Variants in TMEM178B observed in about 807,000 individuals in gnomAD.
TMEM178B encodes transmembrane protein 178B.
A neutral mutation model predicts 31.0 loss-of-function variants in TMEM178B; 5 were observed. The observed-to-expected ratio is 0.16, with a 90% confidence interval of 0.08 to 0.34. The LOEUF (loss-of-function observed/expected upper bound fraction) is 0.34. Among genes scored for constraint, TMEM178B ranks in the 10% least tolerant of loss-of-function variants. The pLI is 1.00. For missense variants in TMEM178B, 275 were observed against 400.3 expected (o/e 0.69, Z 2.67); for synonymous variants, 164 against 164.0 (o/e 1.00, Z 0.00).
At chr7:141,394,322 G>T (rs1234435895) in intron 2 of TMEM178B, among the ~76,000 whole-genome samples, 1 of 152,184 alleles carries the variant, frequency 6.6e-6, no homozygotes, top group Non-Finnish European at 1.5e-5. Context: ...GCCTAAAAGG[G>T]TTTGATTCAG....
At chr7:141,431,827 G>A (rs1442476299) in intron 2 of TMEM178B, among the ~76,000 whole-genome samples, 1 of 152,300 alleles carries the variant, frequency 6.6e-6, no homozygotes, top group South Asian at 2.1e-4. Context: ...AAATACTGCT[G>A]TGGGCACAGT....
At chr7:141,088,587 G>A (rs1294327969) in intron 1 of TMEM178B, among the ~76,000 whole-genome samples, 1 of 152,102 alleles carries the variant, frequency 6.6e-6, no homozygotes, top group East Asian at 1.9e-4. Context: ...CTTTCCATCT[G>A]AGCATCTTGC....
chr7:141,093,464 T>C (rs1416413136), intron 1 of TMEM178B, among the ~76,000 whole-genome samples: 1 of 152,140 alleles, frequency 6.6e-6, no homozygotes, highest in Non-Finnish European at 1.5e-5. Flanking sequence ...AGGGGAGATA[T>C]CAAGAGTTAG....
the TMEM178B span, among the ~76,000 whole-genome samples, chr7:141,494,560 T>G: frequency 9.2e-5 from 14 of 152,168 alleles, no homozygotes; most frequent in Non-Finnish European, 1.9e-4. Context: ...ATATTAAAAT[T>G]GTTATGAGGC....
intron 3 of TMEM178B, among the ~76,000 whole-genome samples, chr7:141,460,580 G>T: frequency 6.6e-6 from 1 of 152,328 alleles, no homozygotes; most frequent in South Asian, 2.1e-4. Flanking sequence ...TAGGAATCTG[G>T]ATGTATTCTC....
chr7:141,137,061 A>G (rs1795686542), intron 1 of TMEM178B, among the ~76,000 whole-genome samples: 1 of 152,132 alleles, frequency 6.6e-6, no homozygotes, highest in Admixed American at 6.5e-5. Flanking sequence ...AAAATAACAA[A>G]TGCTGGGTTG....
Position 141,299,470 on chromosome 7 carries a change from C to T in TMEM178B, c.496+86766C>T, listed in dbSNP as rs571347653. Among the ~76,000 whole-genome samples the T allele has an allele frequency of 7.8e-4, 119 of 152,322 alleles. 3 individuals carry two copies. The South Asian group carries it at 0.017, about 22-fold the overall frequency. On this transcript the variant is annotated intron_variant, in intron 2 of 3. Transcript: ENST00000565468. ...ACCCAAAACCCCTCCTCAGGCAGAG[C>T]GGAAGCACCACCTTCCAGATCCATA...
intron 1 of TMEM178B, among the ~76,000 whole-genome samples, chr7:141,202,850 C>T (rs987300291): frequency 6.6e-6 from 1 of 152,138 alleles, no homozygotes; most frequent in East Asian, 1.9e-4. Context: ...AAGGGTGTGC[C>T]TTCTCCACCT....
intron 2 of TMEM178B, among the ~76,000 whole-genome samples, chr7:141,238,477 C>T (rs1018393761): frequency 3.9e-5 from 6 of 152,088 alleles, no homozygotes; most frequent in Non-Finnish European, 7.3e-5. Context: ...AACCTACAAC[C>T]CAGGATTCTC....
Position 141,147,082 on chromosome 7 carries a change from G to T in TMEM178B, c.383-65509G>T, listed in dbSNP as rs541253186. On this transcript the variant is annotated intron_variant, in intron 1 of 3. Coordinates refer to ENST00000565468, the MANE Select transcript of TMEM178B (RefSeq NM_001195278.2). ...AGAGTGGATATCTACATGTGCAGGT[G>T]TCTTATATGGAGGGGTGCTGCTACT... 3.9e-5 allele frequency among the ~76,000 whole-genome samples: 6 copies of T among 152,328 alleles called. No homozygotes were observed. The South Asian group carries it at 6.2e-4, about 16-fold the overall frequency.
At chr7:141,434,123 T>G (rs924113410) in intron 2 of TMEM178B, among the ~76,000 whole-genome samples, 2 of 152,246 alleles carry the variant, frequency 1.3e-5, no homozygotes, top group African/African-American at 4.8e-5. Flanking sequence ...GTAAAACACT[T>G]TGTTCTCATT....
intron 1 of TMEM178B, among the ~76,000 whole-genome samples, chr7:141,196,728 G>A (rs1039843650): frequency 6.6e-6 from 1 of 152,136 alleles, no homozygotes; most frequent in Admixed American, 6.5e-5. Flanking sequence ...CTGCAGCCAT[G>A]TTTCTGCTTT....
chr7:141,358,225 G>C (rs1799855383), intron 2 of TMEM178B, among the ~76,000 whole-genome samples: 1 of 152,152 alleles, frequency 6.6e-6, no homozygotes, highest in African/African-American at 2.4e-5. Flanking sequence ...CAGATACTCA[G>C]TATCTAATTT....
At chr7:141,444,040 G>A (rs986288581) in intron 3 of TMEM178B, among the ~76,000 whole-genome samples, 2 of 152,276 alleles carry the variant, frequency 1.3e-5, no homozygotes, top group African/African-American at 4.8e-5. Context: ...GCTTGTTGGA[G>A]CACTTAGTTT....
chr7:141,120,941 G>T (rs1039721658), intron 1 of TMEM178B, among the ~76,000 whole-genome samples: 44 of 151,444 alleles, frequency 2.9e-4, no homozygotes, highest in African/African-American at 1.1e-3. Flanking sequence ...CTCCAGACTG[G>T]GTGACAGAGC....
intron 2 of TMEM178B, among the ~76,000 whole-genome samples, chr7:141,401,247 C>A (rs557680335): frequency 4.3e-4 from 65 of 152,292 alleles, no homozygotes; most frequent in African/African-American, 1.5e-3. Context: ...TGGTAAAAAA[C>A]TGATTCTAAG....
At chr7:141,194,006 C>T (rs1432508727) in intron 1 of TMEM178B, among the ~76,000 whole-genome samples, 1 of 152,178 alleles carries the variant, frequency 6.6e-6, no homozygotes. Context: ...TCTCGTGAGA[C>T]ATATTCACTA....
chr7:141,074,677 G>T lies in TMEM178B; in HGVS notation c.367G>T (p.Ala123Ser), dbSNP rs1466801768. 6.6e-7 allele frequency: 1 copy of T among 1,505,146 alleles called. No homozygotes were observed. Among genetic ancestry groups the T allele is most frequent in the Admixed American group, 2.1e-5 (1 of 48,224 alleles). The allele number at this position is 1,505,146 out of a possible 1,614,324, so 93.2% of individuals were successfully genotyped here. ...GCAGGGCTTCGACCCCGAGATCGCC[G>T]CCCTCATTCGGAAAGGTAAGCGCCG... ...HRQGFDPEIA[A>S]LIRKGEIERC... The change falls in exon 1 of 4, where the codon GCC becomes TCC. Residue 123 changes from alanine (A) to serine (S), a missense_variant. Physicochemically the swap from Ala to Ser is moderately conservative, Grantham distance 99. Transcript: ENST00000565468. The surrounding 1 kb of genome is among the most constrained non-coding windows in gnomAD (Gnocchi z 5.1).
intron 2 of TMEM178B, among the ~76,000 whole-genome samples, chr7:141,290,243 T>C (rs1366570212): frequency 1.3e-5 from 2 of 152,194 alleles, no homozygotes; most frequent in Non-Finnish European, 2.9e-5. Context: ...TGGTTCAGTT[T>C]TTGTCATGTG....
Sources: gnomAD v4.1 joint callset for allele counts (sites outside exome capture counted in the v4.1 genomes callset) on GRCh38, gnomAD v4.1.1 for gene constraint, Gnocchi (gnomAD v3.1) non-coding constraint, MANE v1.5 for transcripts, NCBI Gene and HGNC (gene_info 2026-07-23, HGNC 2026-07-21) for gene names.